SPATA9: variants seen among roughly 807,000 people sequenced by gnomAD.
The protein encoded by SPATA9 is spermatogenesis associated 9.
In SPATA9, 27 loss-of-function variants were observed where a neutral mutation model predicts 25.5. That is an observed-to-expected ratio of 1.06 (90% confidence interval 0.78 to 1.46). The LOEUF (loss-of-function observed/expected upper bound fraction) is 1.46, where lower values mean the gene tolerates loss of function less well. Ranked by LOEUF, SPATA9 falls within the 40% of genes most tolerant of loss-of-function variation. SPATA9 has a pLI of 0.00. For missense variants in SPATA9, 282 were observed against 297.5 expected, an observed-to-expected ratio of 0.95 and a Z score of 0.38; for synonymous variants, 102 against 105.7, an observed-to-expected ratio of 0.97 and a Z score of 0.21.
intron 2 of SPATA9, among the ~76,000 whole-genome samples, chr5:95,681,280 T>G (rs1040393003): frequency 6.6e-6 from 1 of 152,176 alleles, no homozygotes; most frequent in Non-Finnish European, 1.5e-5. Context: ...CCTACATGCC[T>G]GTAATTTATA....
chr5:95,688,833 A>C (rs1753812951), intron 1 of SPATA9, among the ~76,000 whole-genome samples: 1 of 152,204 alleles, frequency 6.6e-6, no homozygotes, highest in Non-Finnish European at 1.5e-5. Flanking sequence ...ACATATCCAT[A>C]TAACAAAACT....
chr5:95,731,214 C>T, the SPATA9 span: 4 of 1,003,144 alleles, frequency 4.0e-6, no homozygotes, highest in Admixed American at 1.2e-4. Context: ...GGGAGCGCGT[C>T]CCCCGCATCC....
At chr5:95,656,243 A>G (rs1396490399), downstream of SPATA9, 1 of 1,613,436 alleles carries the variant, frequency 6.2e-7, no homozygotes, top group Non-Finnish European at 8.5e-7. Flanking sequence ...TTTCTAATGA[A>G]CCTTTTAAGT....
upstream of SPATA9, among the ~76,000 whole-genome samples, chr5:95,685,186 AG>A (rs1753708329): frequency 6.6e-6 from 1 of 152,246 alleles, no homozygotes; most frequent in South Asian, 2.1e-4. Context: ...AATAAGTGGC[AG>A]GTTTCATTAA....
intron 2 of SPATA9, among the ~76,000 whole-genome samples, chr5:95,678,504 T>C (rs1753147946): frequency 6.6e-6 from 1 of 152,238 alleles, no homozygotes. Context: ...TATTCCTCTA[T>C]AAAAATTCCA....
chr5:95,664,123 G>T, intron 3 of SPATA9, 75 bp from the exon 4 acceptor site: 1 of 778,834 alleles, frequency 1.3e-6, no homozygotes, highest in Non-Finnish European at 1.9e-6. Context: ...CAATGTTACT[G>T]TAAAATGAGA....
chr5:95,659,279 T>C, intron 4 of SPATA9: 1 of 177,544 alleles, frequency 5.6e-6, no homozygotes, highest in East Asian at 1.6e-4. Context: ...TTTTTTTGTT[T>C]TAATTTTCTT....
At chr5:95,654,654 C>T (rs1032777873), downstream of SPATA9, among the ~76,000 whole-genome samples, 2 of 151,946 alleles carry the variant, frequency 1.3e-5, no homozygotes, top group African/African-American at 4.8e-5. Flanking sequence ...TTTTAACAAT[C>T]GGAAACTGGT....
intron 3 of SPATA9, among the ~76,000 whole-genome samples, chr5:95,667,463 T>C (rs1751933091): frequency 6.6e-6 from 1 of 152,150 alleles, no homozygotes; most frequent in African/African-American, 2.4e-5. Flanking sequence ...TTTCCCAGAA[T>C]TCCTGGCTTC....
In SPATA9 at chr5:95,693,986, C is replaced by T. The variant is rs1183770845; in HGVS notation, n.124+4602G>A. On this transcript the variant is annotated intron_variant and non_coding_transcript_variant, in intron 1 of 2. Coordinates refer to the SPATA9 transcript ENST00000379990. ...GACCAGCCTGGGTAACACAGCGAGACCCCATCTCTTCAAAACATAAAAAAG... is the reference window on the plus strand; with the variant it reads ...GACCAGCCTGGGTAACACAGCGAGATCCCATCTCTTCAAAACATAAAAAAG... Among the ~76,000 whole-genome samples, 7 of 152,120 alleles carry T rather than the reference C, an allele frequency of 4.6e-5. No individual in the cohort carries two copies. In the East Asian group the frequency reaches 7.7e-4, roughly 17 times the overall value.
downstream of SPATA9, among the ~76,000 whole-genome samples, chr5:95,653,830 G>A (rs559271581): frequency 3.3e-5 from 5 of 152,222 alleles, no homozygotes; most frequent in African/African-American, 9.6e-5. Context: ...CCTGGGAGGC[G>A]GAGGTTGCAG....
At chr5:95,679,450 C>T (rs1191215499) in intron 2 of SPATA9, among the ~76,000 whole-genome samples, 4 of 152,194 alleles carry the variant, frequency 2.6e-5, no homozygotes, top group Non-Finnish European at 5.9e-5. Flanking sequence ...GGCTAAGATA[C>T]AGCATTAGAA....
chr5:95,732,051 T>C, the SPATA9 span: 14 of 1,614,068 alleles, frequency 8.7e-6, no homozygotes, highest in Non-Finnish European at 1.1e-5. Flanking sequence ...CGTTTGGGAA[T>C]GTCAAGCTGG....
Position 95,658,548 on chromosome 5 carries a change from T to A in SPATA9, c.*75A>T. The stretch of plus-strand genomic sequence containing the variant: ...GCAGAGCAATTCAGAATATGTAAAC[T>A]AGACTCTGAGTTTTGTCAGATGAAA... On this transcript the variant is annotated 3_prime_UTR_variant, in exon 5 of 5. Transcript: ENST00000274432. The A allele has an allele frequency of 6.7e-7, 1 of 1,493,022 alleles. No homozygotes were observed. The highest frequency in any genetic ancestry group is 2.3e-5 in the East Asian group (1 of 43,202). The allele number at this position is 1,493,022 out of a possible 1,614,324, so 92.5% of individuals were successfully genotyped here. A position where few individuals can be genotyped will look rare whatever the true frequency, so the allele number is the denominator to read the frequency against.
At chr5:95,691,870 C>T (rs1035285078) in intron 1 of SPATA9, among the ~76,000 whole-genome samples, 3 of 152,038 alleles carry the variant, frequency 2.0e-5, no homozygotes, top group Non-Finnish European at 4.4e-5. Flanking sequence ...TCTTTCTATG[C>T]CAATTTTGGT....
intron 1 of SPATA9, among the ~76,000 whole-genome samples, chr5:95,690,401 A>G (rs1179742244): frequency 6.6e-6 from 1 of 152,188 alleles, no homozygotes; most frequent in Admixed American, 6.5e-5. Flanking sequence ...ACTCCTAAAG[A>G]AATATGTGAT....
At chr5:95,670,826 G>T in intron 3 of SPATA9, 1 of 984,868 alleles carries the variant, frequency 1.0e-6, no homozygotes. Context: ...CATTCCGGTT[G>T]CACCTTTGAC....
upstream of SPATA9, among the ~76,000 whole-genome samples, chr5:95,700,303 A>AT (rs1020274200): frequency 4.0e-4 from 59 of 148,302 alleles, no homozygotes; most frequent in African/African-American, 8.6e-4. Flanking sequence ...TTTAAAAAAA[A>AT]TTTTTTTTTT....
intron 3 of SPATA9, among the ~76,000 whole-genome samples, chr5:95,672,178 A>C (rs1489141657): frequency 6.6e-6 from 1 of 152,200 alleles, no homozygotes; most frequent in Non-Finnish European, 1.5e-5. Flanking sequence ...GGTGGGGATC[A>C]AGCCTTTGCA....
Sources: gnomAD v4.1 joint callset for allele counts (sites outside exome capture counted in the v4.1 genomes callset) on GRCh38, gnomAD v4.1.1 for gene constraint, MANE v1.5 for transcripts, NCBI Gene and HGNC (gene_info 2026-07-23, HGNC 2026-07-21) for gene names.